Variants in PKHD1 observed in about 807,000 individuals in gnomAD.
The protein encoded by PKHD1 is PKHD1 ciliary IPT domain containing fibrocystin/polyductin, also known as fibrocystin.
In PKHD1, 291 loss-of-function variants were observed where a neutral mutation model predicts 412.0. The observed-to-expected ratio is 0.71, with a 90% CI of 0.64 to 0.78. The LOEUF is 0.78. Ranked by LOEUF, PKHD1 falls within the 30% of genes least tolerant of loss-of-function variation. The pLI, the probability that PKHD1 is intolerant of heterozygous loss-of-function variation, is 0.00. For synonymous variants in PKHD1, 1,777 were observed against 1,821.5 expected, an observed-to-expected ratio of 0.98 and a Z score of 0.62; for missense variants, 4,825 against 4,950.7, an observed-to-expected ratio of 0.97 and a Z score of 0.76.
At chr6:51,942,166 T>G (rs568236396) in intron 36 of PKHD1, among the ~76,000 whole-genome samples, 14 of 151,646 alleles carry the variant, frequency 9.2e-5, no homozygotes, top group Admixed American at 9.2e-4. Flanking sequence ...CCTCTTTCCA[T>G]TCCTTGAAGA....
intron 5 of PKHD1, among the ~76,000 whole-genome samples, chr6:52,078,549 C>T (rs1241014481): frequency 6.6e-6 from 1 of 152,174 alleles, no homozygotes; most frequent in African/African-American, 2.4e-5. Context: ...AACAAAGAGA[C>T]ACGCCGTGTT....
At position 52,043,699 on chromosome 6, in the gene PKHD1, T is replaced by G. The variant is rs1805300035; in HGVS notation, c.2747A>C (p.His916Pro). 3 of 1,613,588 alleles carry G rather than the reference T, an allele frequency of 1.9e-6. No homozygotes were observed. Among genetic ancestry groups the G allele is most frequent in the Non-Finnish European group, 2.5e-6 (3 of 1,179,580 alleles). ...CTGGAAAGAGCAGGAACCTGGGCAA[T>G]GAGCTGGTACATCATTCACTCGCAC... ...VVVRVNDVPA[H>P]CPGSCSFQYL... Residue 916 changes from histidine (H) to proline (P), a missense_variant, in exon 26 of 67, where the codon CAT becomes CCT. Coordinates refer to ENST00000371117, the MANE Select transcript of PKHD1 (RefSeq NM_138694.4).
intron 36 of PKHD1, among the ~76,000 whole-genome samples, chr6:51,935,657 A>G (rs981395817): frequency 2.8e-4 from 42 of 152,164 alleles, no homozygotes; most frequent in Non-Finnish European, 5.0e-4. Flanking sequence ...ATGATTTGCT[A>G]CCCAACCTCC....
chr6:51,753,264 C>CGTCAGGCTGAATTTGTATA lies in PKHD1; in HGVS notation c.8868_8886dup (p.Val2963TyrfsTer6). ...ACAAACAGTCTCCCCCTACATGATA[C>CGTCAGGCTGAATTTGTATA]GTCAGGCTGAATTTGTATATTTCGG... On this transcript the variant is annotated stop_gained and frameshift_variant, in exon 57 of 67. Coordinates refer to ENST00000371117, the MANE Select transcript of PKHD1 (RefSeq NM_138694.4). LOFTEE classifies it high-confidence loss of function. The CGTCAGGCTGAATTTGTATA allele has an allele frequency of 6.2e-7, 1 of 1,613,698 alleles. No homozygotes were observed. The highest frequency in any genetic ancestry group is 8.5e-7 in the Non-Finnish European group (1 of 1,179,684).
chr6:52,019,309 G>T (rs558382885), intron 33 of PKHD1, among the ~76,000 whole-genome samples: 1 of 152,186 alleles, frequency 6.6e-6, no homozygotes, highest in African/African-American at 2.4e-5. Flanking sequence ...AGATAAGTAC[G>T]TGGGGGAGGG....
At chr6:51,868,691 T>C (rs935971612) in intron 47 of PKHD1, among the ~76,000 whole-genome samples, 1 of 152,202 alleles carries the variant, frequency 6.6e-6, no homozygotes, top group Non-Finnish European at 1.5e-5. Flanking sequence ...TCCTCTGTGG[T>C]GAGTCTAACC....
chr6:51,900,207 C>T (rs1210204917), intron 43 of PKHD1, among the ~76,000 whole-genome samples: 4 of 152,138 alleles, frequency 2.6e-5, no homozygotes, highest in African/African-American at 9.7e-5. Flanking sequence ...GAGCCCGCAT[C>T]GCCAAGTCAA....
intron 56 of PKHD1, among the ~76,000 whole-genome samples, chr6:51,753,899 G>A (rs6914672): frequency 0.32 from 48,542 of 152,096 alleles, 9,583 homozygotes; most frequent in East Asian, 0.67. Context: ...GGAACTAAGC[G>A]TCTTGCTAGT....
intron 35 of PKHD1, among the ~76,000 whole-genome samples, chr6:51,988,171 C>T (rs1796435402): frequency 6.6e-6 from 1 of 152,136 alleles, no homozygotes; most frequent in East Asian, 1.9e-4. Context: ...ACAAAATCAA[C>T]TTTCCTTGGT....
chr6:51,907,143 TAA>T (rs1301395115), intron 40 of PKHD1, among the ~76,000 whole-genome samples: 1 of 152,118 alleles, frequency 6.6e-6, no homozygotes, highest in Non-Finnish European at 1.5e-5. Context: ...ATTAAAATAA[TAA>T]AAATCCATTA....
intron 52 of PKHD1, among the ~76,000 whole-genome samples, chr6:51,829,749 T>C (rs929893982): frequency 6.6e-6 from 1 of 152,176 alleles, no homozygotes; most frequent in Non-Finnish European, 1.5e-5. Context: ...TCCTTCATTC[T>C]GCCACACAAA....
intron 52 of PKHD1, among the ~76,000 whole-genome samples, chr6:51,798,571 G>C (rs984382587): frequency 1.3e-5 from 2 of 151,950 alleles, no homozygotes; most frequent in Non-Finnish European, 2.9e-5. Flanking sequence ...CCTCCATTTT[G>C]ACCTTGGAGA....
chr6:51,734,357 T>C (rs1165390749), intron 60 of PKHD1, among the ~76,000 whole-genome samples: 2 of 152,204 alleles, frequency 1.3e-5, no homozygotes, highest in African/African-American at 4.8e-5. Flanking sequence ...AATTATGCAT[T>C]AATTAAATCT....
intron 37 of PKHD1, among the ~76,000 whole-genome samples, chr6:51,924,272 G>A (rs564214457): frequency 6.7e-6 from 1 of 149,702 alleles, no homozygotes; most frequent in East Asian, 2.0e-4. Context: ...AGTTTCTTGT[G>A]GTACTCAAAA....
chr6:51,887,868 C>T (rs1778467637), intron 43 of PKHD1, among the ~76,000 whole-genome samples: 1 of 152,222 alleles, frequency 6.6e-6, no homozygotes, highest in Non-Finnish European at 1.5e-5. Context: ...CATTCTTCTT[C>T]CTCCAGCCAG....
chr6:51,932,261 T>C (rs571228860), intron 37 of PKHD1, among the ~76,000 whole-genome samples: 8 of 152,330 alleles, frequency 5.3e-5, no homozygotes, highest in Non-Finnish European at 2.9e-5. Flanking sequence ...ACAAAAGGTA[T>C]ATTTATGAGT....
chr6:51,913,248 A>G (rs533616166), intron 37 of PKHD1, among the ~76,000 whole-genome samples: 1 of 152,110 alleles, frequency 6.6e-6, no homozygotes, highest in Non-Finnish European at 1.5e-5. Context: ...TAGAGTTGTC[A>G]TAAGTCTTGG....
intron 35 of PKHD1, among the ~76,000 whole-genome samples, chr6:51,974,843 A>G (rs1160599293): frequency 6.6e-6 from 1 of 152,356 alleles, no homozygotes; most frequent in East Asian, 1.9e-4. Flanking sequence ...CTGTTTCCCA[A>G]AAATCTATTG....
Position 51,659,956 on chromosome 6 carries a change from T to C in PKHD1, c.10170A>G (p.Glu3390=), listed in dbSNP as rs1167383102. 6.2e-7 allele frequency: 1 copy of C among 1,600,102 alleles called. No individual in the cohort carries two copies. Among genetic ancestry groups the C allele is most frequent in the Non-Finnish European group, 8.6e-7 (1 of 1,167,696 alleles). Residue 3390 remains glutamate, a synonymous_variant, in exon 61 of 67, where the codon GAA becomes GAG. Coordinates refer to ENST00000371117, the MANE Select transcript of PKHD1 (RefSeq NM_138694.4). ...ASFFNAGTFR[E]EQKCTYQFLM... is the part of the protein sequence containing the mutation. ...GAAATTGGTATGTACATTTCTGTTCTTCTCTAAATGTACCTATAAAAGAAA... is the reference window on the plus strand; with the variant it reads ...GAAATTGGTATGTACATTTCTGTTCCTCTCTAAATGTACCTATAAAAGAAA...
Sources: allele counts gnomAD v4.1 joint callset (sites outside exome capture counted in the v4.1 genomes callset), GRCh38; gene constraint gnomAD v4.1.1; transcripts MANE v1.5; gene names NCBI Gene and HGNC (gene_info 2026-07-23, HGNC 2026-07-21).